The following AOPEP variants were observed in gnomAD, a reference collection of about 807,000 sequenced individuals.
The protein encoded by AOPEP is aminopeptidase O (putative), also known as aminopeptidase O.
A neutral mutation model predicts 98.1 loss-of-function variants in AOPEP; 77 were observed. The ratio of observed to expected loss-of-function variants is 0.78; its 90% CI spans 0.65 to 0.95. The LOEUF is 0.95. Ranked by LOEUF, AOPEP falls within the 40% of genes least tolerant of loss-of-function variation. The probability of loss-of-function intolerance (pLI) is 0.00; values close to 1 mark genes in which losing one functional copy is unlikely to be tolerated. For missense variants in AOPEP, 1,024 were observed against 1,024.7 expected (o/e 1.00, Z 0.01); for synonymous variants, 346 against 365.3 (o/e 0.95, Z 0.60).
chr9:94,728,686 G>C (rs1029078356), intron 1 of AOPEP, among the ~76,000 whole-genome samples: 1 of 152,160 alleles, frequency 6.6e-6, no homozygotes, highest in Non-Finnish European at 1.5e-5. Context: ...AGGATTTAGA[G>C]GGCTGGATGA....
chr9:95,031,339 G>C (rs978861898), intron 13 of AOPEP, among the ~76,000 whole-genome samples: 20 of 152,266 alleles, frequency 1.3e-4, no homozygotes, highest in African/African-American at 4.8e-4. Flanking sequence ...AGAATGTCAT[G>C]AAAGTGAAGT....
At chr9:94,793,223 C>T (rs1846132863) in intron 4 of AOPEP, among the ~76,000 whole-genome samples, 1 of 151,550 alleles carries the variant, frequency 6.6e-6, no homozygotes, top group African/African-American at 2.4e-5. Context: ...AAAAATTAGC[C>T]GGGCGTCCCA....
chr9:94,838,032 G>A (rs898981147), intron 5 of AOPEP, among the ~76,000 whole-genome samples: 3 of 151,390 alleles, frequency 2.0e-5, no homozygotes, highest in Non-Finnish European at 2.9e-5. Context: ...TTTTTTTGAC[G>A]GAGTCTTGCT....
rs972850606 is a variant in AOPEP, at chr9:94,792,639, G to A, written c.965-126G>A. 13 of 872,738 alleles carry A rather than the reference G, an allele frequency of 1.5e-5. No homozygotes were observed. The African/African-American group carries it at 1.5e-4, about 10-fold the overall frequency. The allele number at this position is 872,738 out of a possible 1,614,324, so 54.1% of individuals were successfully genotyped here. A position where few individuals can be genotyped will look rare whatever the true frequency, so the allele number is the denominator to read the frequency against. ...ATGTGCCCTTTCTGCTGACGTGACC[G>A]ACCTCCAAGAGTTGGCTCTTACCAG... On this transcript the variant is annotated intron_variant, in intron 3 of 16. Coordinates refer to ENST00000375315, the MANE Select transcript of AOPEP (RefSeq NM_001193329.3).
At chr9:95,063,201 A>G (rs1312876197) in intron 14 of AOPEP, among the ~76,000 whole-genome samples, 2 of 152,222 alleles carry the variant, frequency 1.3e-5, no homozygotes, top group South Asian at 2.1e-4. Context: ...AATAGCCATA[A>G]AAGTTTAAAA....
At chr9:95,075,486 TC>T (rs1000444184) in intron 14 of AOPEP, among the ~76,000 whole-genome samples, 11 of 152,070 alleles carry the variant, frequency 7.2e-5, no homozygotes, top group African/African-American at 2.7e-4. Context: ...TTCCTAGTAC[TC>T]AAAAACACTC....
chr9:94,959,260 G>A (rs1183998305), intron 9 of AOPEP, among the ~76,000 whole-genome samples: 2 of 152,046 alleles, frequency 1.3e-5, no homozygotes, highest in East Asian at 3.9e-4. Context: ...AGCCAGGATG[G>A]TCTTGATCTC....
intron 5 of AOPEP, among the ~76,000 whole-genome samples, chr9:94,834,808 GCATGCATA>G (rs1278715513): frequency 6.8e-5 from 7 of 102,690 alleles, no homozygotes; most frequent in African/African-American, 3.0e-4. Context: ...ATGCATGCAT[GCATGCATA>G]CATACATACA....
At chr9:95,020,186 G>T (rs1394592739) in intron 13 of AOPEP, 3 of 152,320 alleles carry the variant, frequency 2.0e-5, no homozygotes, top group African/African-American at 4.8e-5. Flanking sequence ...TGTCTGCCCA[G>T]GTAGCTCCCC....
chr9:94,838,909 C>CTTTTTTTTTTT (rs35849023), intron 5 of AOPEP, among the ~76,000 whole-genome samples: 2 of 99,770 alleles, frequency 2.0e-5, no homozygotes, highest in African/African-American at 8.4e-5. Flanking sequence ...AAATGCTATT[C>CTTTTTTTTTTT]TTTTTTTTTT....
At chr9:94,844,339 C>T (rs897921639) in intron 5 of AOPEP, among the ~76,000 whole-genome samples, 2 of 152,108 alleles carry the variant, frequency 1.3e-5, no homozygotes, top group African/African-American at 4.8e-5. Context: ...GGCAAAAAAT[C>T]CAATTACTTT....
At position 94,845,865 on chromosome 9, in the gene AOPEP, GGGGTGGATCACCTGA is replaced by G. The variant is rs2042799347; in HGVS notation, c.1364+44866_1364+44880del. ...TTCAGCACTTTGGGAGGCCAAGGTG[GGGGTGGATCACCTGA>G]GGTCAGGAGTTCGAGACCAGCCTGG... On this transcript the variant is annotated intron_variant, in intron 5 of 16. Transcript: ENST00000375315. Among the ~76,000 whole-genome samples, 5 of 152,158 alleles carry G rather than the reference GGGGTGGATCACCTGA, an allele frequency of 3.3e-5. No homozygotes were observed. The South Asian group carries it at 1.0e-3, about 32-fold the overall frequency.
intron 3 of AOPEP, among the ~76,000 whole-genome samples, chr9:94,777,826 G>A (rs1293799710): frequency 6.6e-6 from 1 of 151,732 alleles, no homozygotes; most frequent in Non-Finnish European, 1.5e-5. Flanking sequence ...GTTTCACCAT[G>A]TTTACCAGGC....
intron 1 of AOPEP, among the ~76,000 whole-genome samples, chr9:94,758,412 G>A (rs1433082057): frequency 6.6e-6 from 1 of 152,176 alleles, no homozygotes; most frequent in Non-Finnish European, 1.5e-5. Context: ...AGAGGAAATA[G>A]TCTGTGGAGA....
chr9:94,756,006 T>A (rs1344291808), intron 1 of AOPEP, among the ~76,000 whole-genome samples: 1 of 152,120 alleles, frequency 6.6e-6, no homozygotes, highest in South Asian at 2.1e-4. Flanking sequence ...ACGCCTGTGA[T>A]CCCAGCACTT....
intron 5 of AOPEP, among the ~76,000 whole-genome samples, chr9:94,915,837 C>T (rs2052717925): frequency 6.6e-6 from 1 of 152,260 alleles, no homozygotes; most frequent in Admixed American, 6.5e-5. Context: ...GAATGCCTTC[C>T]TCACCAATTG....
At chr9:95,035,858 C>A (rs1047768094) in intron 13 of AOPEP, among the ~76,000 whole-genome samples, 5 of 151,834 alleles carry the variant, frequency 3.3e-5, no homozygotes, top group African/African-American at 1.2e-4. Context: ...TGCTGTGTGG[C>A]CTTACTTGCT....
At chr9:94,914,772 C>A (rs1267041013) in intron 5 of AOPEP, among the ~76,000 whole-genome samples, 1 of 152,170 alleles carries the variant, frequency 6.6e-6, no homozygotes. Context: ...TCTGGACCAG[C>A]CACATTAGCA....
chr9:95,062,279 T>G (rs2067385405), intron 14 of AOPEP, among the ~76,000 whole-genome samples: 6 of 152,104 alleles, frequency 3.9e-5, no homozygotes, highest in Admixed American at 3.9e-4. Context: ...CAGGGGTGCT[T>G]GGGACCTGGT....
Sources: gnomAD v4.1 joint callset for allele counts (sites outside exome capture counted in the v4.1 genomes callset) on GRCh38, gnomAD v4.1.1 for gene constraint, MANE v1.5 for transcripts, NCBI Gene and HGNC (gene_info 2026-07-23, HGNC 2026-07-21) for gene names.